PDE1A: variants seen among roughly 807,000 people sequenced by gnomAD.
The protein encoded by PDE1A is dual specificity calcium/calmodulin-dependent 3',5'-cyclic nucleotide phosphodiesterase 1A.
Under a neutral mutation model 61.7 loss-of-function variants are expected in PDE1A, and 35 were observed. The ratio of observed to expected loss-of-function variants is 0.57; its 90% CI spans 0.43 to 0.75. PDE1A has a LOEUF of 0.75. PDE1A is among the 30% of genes least tolerant of loss of function. The pLI, the probability that PDE1A is intolerant of heterozygous loss-of-function variation, is 0.00. For synonymous variants in PDE1A, 232 were observed against 213.2 expected (o/e 1.09, Z -0.77); for missense variants, 597 against 630.6 (o/e 0.95, Z 0.57).
chr2:182,142,379 C>A (rs988937533), downstream of PDE1A: 2 of 152,010 alleles, frequency 1.3e-5, no homozygotes, highest in Non-Finnish European at 2.9e-5. Context: ...CAGGCTGGTC[C>A]ACGGGTTCAG....
intron 6 of PDE1A, among the ~76,000 whole-genome samples, chr2:182,229,428 C>T (rs757765446): frequency 1.1e-4 from 16 of 152,104 alleles, no homozygotes; most frequent in Non-Finnish European, 1.9e-4. Flanking sequence ...ACAAAAATTC[C>T]CAACTCTCTC....
intron 1 of PDE1A, among the ~76,000 whole-genome samples, chr2:182,323,366 T>C (rs772469130): frequency 2.6e-5 from 4 of 152,186 alleles, no homozygotes; most frequent in Non-Finnish European, 5.9e-5. Flanking sequence ...TTTCTATCAA[T>C]GGGACTCAGT....
chr2:182,366,637 G>C (rs936778407), intron 1 of PDE1A, among the ~76,000 whole-genome samples: 1 of 132,624 alleles, frequency 7.5e-6, no homozygotes, highest in African/African-American at 2.8e-5. Flanking sequence ...TTTCACATGA[G>C]ACATTTTAAG....
chr2:182,475,179 T>C (rs189703229), intron 2 of PDE1A, among the ~76,000 whole-genome samples: 7 of 152,038 alleles, frequency 4.6e-5, no homozygotes, highest in African/African-American at 1.2e-4. Flanking sequence ...TCAACAAGCA[T>C]GGCAACAATG....
chr2:182,225,705 G>A (rs1689088397), intron 6 of PDE1A, among the ~76,000 whole-genome samples: 1 of 150,660 alleles, frequency 6.6e-6, no homozygotes, highest in Non-Finnish European at 1.5e-5. Context: ...CACCTATCAT[G>A]TCTTGTCATA....
At chr2:182,276,564 C>T (rs1269977000) in intron 1 of PDE1A, among the ~76,000 whole-genome samples, 2 of 151,928 alleles carry the variant, frequency 1.3e-5, no homozygotes, top group African/African-American at 4.8e-5. Context: ...CACTATTGTA[C>T]AAATTGATTG....
chr2:182,545,619 G>C, the PDE1A span, among the ~76,000 whole-genome samples: 5 of 152,086 alleles, frequency 3.3e-5, no homozygotes, highest in Non-Finnish European at 5.9e-5. Context: ...TTCAGCCTAG[G>C]GTTCATAACA....
intron 6 of PDE1A, among the ~76,000 whole-genome samples, chr2:182,227,165 T>G (rs967683205): frequency 6.6e-6 from 1 of 152,050 alleles, no homozygotes; most frequent in East Asian, 1.9e-4. Flanking sequence ...GAAGGCAATA[T>G]GCTGAACACA....
At chr2:182,365,402 G>A (rs11690257) in intron 1 of PDE1A, among the ~76,000 whole-genome samples, 5,095 of 151,962 alleles carry the variant, frequency 0.034, 134 homozygotes, top group Admixed American at 0.075. Context: ...TGATTCCTCT[G>A]CTGGCATAAT....
At chr2:182,382,043 C>T (rs1373594942) in intron 1 of PDE1A, among the ~76,000 whole-genome samples, 1 of 151,964 alleles carries the variant, frequency 6.6e-6, no homozygotes, top group East Asian at 1.9e-4. Context: ...TAAACAAATA[C>T]ATACTTTTGG....
intron 1 of PDE1A, among the ~76,000 whole-genome samples, chr2:182,355,471 T>G (rs1206228126): frequency 6.6e-6 from 1 of 151,982 alleles, no homozygotes; most frequent in Non-Finnish European, 1.5e-5. Flanking sequence ...AAACCTAAGT[T>G]TGAAGATAAA....
intron 1 of PDE1A, among the ~76,000 whole-genome samples, chr2:182,349,510 T>G (rs1698730671): frequency 6.6e-6 from 1 of 152,216 alleles, no homozygotes; most frequent in African/African-American, 2.4e-5. Context: ...TTTAGTAGTG[T>G]TTATGACACT....
intron 1 of PDE1A, among the ~76,000 whole-genome samples, chr2:182,401,735 T>G (rs537857195): frequency 1.2e-4 from 19 of 152,144 alleles, no homozygotes; most frequent in Non-Finnish European, 2.4e-4. Flanking sequence ...GAAGACAAAT[T>G]GTCTCTGTTT....
chr2:182,613,916 T>C, the PDE1A span, among the ~76,000 whole-genome samples: 1 of 152,200 alleles, frequency 6.6e-6, no homozygotes, highest in Admixed American at 6.5e-5. Context: ...CTTTCAATGA[T>C]GACATATTTT....
chr2:182,562,014 T>C, the PDE1A span, among the ~76,000 whole-genome samples: 1 of 151,406 alleles, frequency 6.6e-6, no homozygotes, highest in Admixed American at 6.6e-5. Context: ...AGGGACAATT[T>C]GACTTCCTCT....
the PDE1A span, among the ~76,000 whole-genome samples, chr2:182,701,228 G>A: frequency 1.3e-5 from 2 of 151,708 alleles, no homozygotes; most frequent in African/African-American, 4.8e-5. Context: ...GTAAAGACGG[G>A]GTTTCACCGT....
the PDE1A span, among the ~76,000 whole-genome samples, chr2:182,690,264 C>T: frequency 1.1e-4 from 17 of 152,032 alleles, no homozygotes; most frequent in East Asian, 3.9e-4. Context: ...TGATGAACAT[C>T]GATGCAAAAT....
At chr2:182,251,223 T>C (rs1198980994) in intron 2 of PDE1A, among the ~76,000 whole-genome samples, 1 of 152,180 alleles carries the variant, frequency 6.6e-6, no homozygotes, top group Non-Finnish European at 1.5e-5. Flanking sequence ...GGCTGTGTAG[T>C]TTTGGAAGAA....
the PDE1A span, among the ~76,000 whole-genome samples, chr2:182,606,632 G>C: frequency 6.6e-6 from 1 of 151,996 alleles, no homozygotes; most frequent in African/African-American, 2.4e-5. Flanking sequence ...AAGAAGACAG[G>C]AAATAAACGA....
Sources: allele counts gnomAD v4.1 joint callset (sites outside exome capture counted in the v4.1 genomes callset), GRCh38; gene constraint gnomAD v4.1.1; transcripts MANE v1.5; gene names NCBI Gene and HGNC (gene_info 2026-07-23, HGNC 2026-07-21).